Variants in SOX5 observed in about 807,000 individuals in gnomAD.
The protein encoded by SOX5 is SRY-box transcription factor 5, also known as transcription factor SOX-5.
SOX5 carries 9 observed loss-of-function variants against 92.0 expected under a neutral mutation model. The observed-to-expected ratio is 0.10, with a 90% CI of 0.06 to 0.17. The LOEUF (loss-of-function observed/expected upper bound fraction) is 0.17, where lower values mean the gene tolerates loss of function less well. Among genes scored for constraint, SOX5 ranks in the 10% least tolerant of loss-of-function variants. SOX5 has a pLI of 1.00. For synonymous variants in SOX5, 344 were observed against 336.3 expected, an observed-to-expected ratio of 1.02 and a Z score of -0.25; for missense variants, 642 against 944.5, an observed-to-expected ratio of 0.68 and a Z score of 4.20.
At chr12:23,978,699 A>C (rs1002218306) in intron 4 of SOX5, among the ~76,000 whole-genome samples, 6 of 152,132 alleles carry the variant, frequency 3.9e-5, no homozygotes, top group African/African-American at 1.4e-4. Flanking sequence ...TCTGTGTTCC[A>C]TATCTAGCTC....
intron 2 of SOX5, among the ~76,000 whole-genome samples, chr12:23,879,055 T>C (rs1042764255): frequency 3.9e-5 from 6 of 152,144 alleles, no homozygotes; most frequent in South Asian, 2.1e-4. Context: ...GCTTCCTATA[T>C]CAAATACAAT....
At chr12:24,147,934 G>T (rs745678961) in intron 4 of SOX5, among the ~76,000 whole-genome samples, 1 of 152,122 alleles carries the variant, frequency 6.6e-6, no homozygotes, top group Admixed American at 6.6e-5. Flanking sequence ...TACTTCATTG[G>T]TCAGAGGGCT....
At chr12:23,642,544 G>C (rs2080210725) in intron 7 of SOX5, among the ~76,000 whole-genome samples, 3 of 152,224 alleles carry the variant, frequency 2.0e-5, no homozygotes, top group Admixed American at 2.0e-4. Flanking sequence ...TCAAATGGAA[G>C]TGTTAGTTAT....
chr12:23,737,609 A>G (rs2093650793), intron 5 of SOX5, among the ~76,000 whole-genome samples: 1 of 152,176 alleles, frequency 6.6e-6, no homozygotes, highest in Non-Finnish European at 1.5e-5. Flanking sequence ...TCACTCAGCA[A>G]AAAGCCGGTG....
chr12:23,748,054 A>G (rs1198065953), intron 4 of SOX5, among the ~76,000 whole-genome samples: 1 of 151,930 alleles, frequency 6.6e-6, no homozygotes, highest in Non-Finnish European at 1.5e-5. Flanking sequence ...CACTGGAATT[A>G]TAAAAGCAAT....
intron 3 of SOX5, among the ~76,000 whole-genome samples, chr12:24,241,886 G>GA (rs1449516873): frequency 6.6e-6 from 1 of 151,798 alleles, no homozygotes; most frequent in South Asian, 2.1e-4. Flanking sequence ...AAGCTACTGG[G>GA]AAAAAAATAA....
chr12:24,357,233 A>C (rs904769364), intron 2 of SOX5: 1 of 152,208 alleles, frequency 6.6e-6, no homozygotes, highest in African/African-American at 2.4e-5. Context: ...AAGGAGGAGA[A>C]ATTTCGAGGT....
At chr12:24,533,883 G>A (rs762901435) in intron 1 of SOX5, among the ~76,000 whole-genome samples, 2 of 152,200 alleles carry the variant, frequency 1.3e-5, no homozygotes, top group Non-Finnish European at 2.9e-5. Context: ...AGCAGACACA[G>A]GAGACAGTCG....
chr12:23,888,964 C>T (rs573329590), intron 2 of SOX5, among the ~76,000 whole-genome samples: 1 of 152,226 alleles, frequency 6.6e-6, no homozygotes, highest in Non-Finnish European at 1.5e-5. Context: ...TGTGTGAAAT[C>T]GGGTATGTGT....
At chr12:24,360,712 G>A (rs1955451522) in intron 2 of SOX5, among the ~76,000 whole-genome samples, 1 of 152,192 alleles carries the variant, frequency 6.6e-6, no homozygotes, top group Non-Finnish European at 1.5e-5. Flanking sequence ...GGCTTTTAAA[G>A]TGAGCTGTTC....
intron 4 of SOX5, among the ~76,000 whole-genome samples, chr12:23,974,392 T>C (rs978429530): frequency 6.6e-6 from 1 of 152,182 alleles, no homozygotes; most frequent in African/African-American, 2.4e-5. Flanking sequence ...GTTGCACTTA[T>C]TGACACTAAT....
chr12:24,065,108 GT>G (rs1940435031), intron 4 of SOX5, among the ~76,000 whole-genome samples: 2 of 152,170 alleles, frequency 1.3e-5, no homozygotes. Context: ...TGAAAGGGCA[GT>G]TTAGGGATGT....
chr12:23,646,135 G>A (rs114755011), intron 7 of SOX5, among the ~76,000 whole-genome samples: 2,047 of 152,208 alleles, frequency 0.013, 42 homozygotes, highest in African/African-American at 0.047. Flanking sequence ...GATGGTGGCT[G>A]TTGAAGGTTA....
chr12:23,935,809 G>A (rs1942418922), intron 1 of SOX5, among the ~76,000 whole-genome samples: 1 of 151,012 alleles, frequency 6.6e-6, no homozygotes, highest in South Asian at 2.1e-4. Context: ...TTAAAATGTA[G>A]TTGTTGAATA....
intron 2 of SOX5, among the ~76,000 whole-genome samples, chr12:24,287,783 A>C (rs1946084994): frequency 1.3e-5 from 2 of 152,132 alleles, no homozygotes; most frequent in South Asian, 4.2e-4. Flanking sequence ...TCTTTATGGT[A>C]GGTATGACAG....
intron 1 of SOX5, among the ~76,000 whole-genome samples, chr12:24,559,161 G>C (rs188023439): frequency 6.6e-6 from 1 of 152,078 alleles, no homozygotes; most frequent in African/African-American, 2.4e-5. Context: ...CACTTTCTTC[G>C]CCTTTAAAAT....
At chr12:24,189,504 T>C (rs753840689) in intron 4 of SOX5, among the ~76,000 whole-genome samples, 29 of 152,178 alleles carry the variant, frequency 1.9e-4, no homozygotes, top group Non-Finnish European at 3.5e-4. Flanking sequence ...CAAGCAGGCA[T>C]CCCAAGTAAG....
chr12:23,857,744 TTTTTTTG>T (rs886469560), intron 2 of SOX5, among the ~76,000 whole-genome samples: 8 of 151,828 alleles, frequency 5.3e-5, no homozygotes, highest in Admixed American at 5.2e-4. Context: ...TCTTTTTTTT[TTTTTTTG>T]AGGTGGAGTC....
chr12:23,629,649 C>G (rs1417906178), intron 8 of SOX5, among the ~76,000 whole-genome samples: 1 of 152,022 alleles, frequency 6.6e-6, no homozygotes, highest in Non-Finnish European at 1.5e-5. Context: ...TAGTTTGAAA[C>G]AACGTTTTCA....
Sources: gnomAD v4.1 joint callset for allele counts (sites outside exome capture counted in the v4.1 genomes callset) on GRCh38, gnomAD v4.1.1 for gene constraint, MANE v1.5 for transcripts, NCBI Gene and HGNC (gene_info 2026-07-23, HGNC 2026-07-21) for gene names.